The following LPXN variants were observed in gnomAD, a reference collection of about 807,000 sequenced individuals.
LPXN encodes the protein leupaxin.
LPXN carries 28 observed loss-of-function variants against 45.6 expected under a neutral mutation model. The observed-to-expected ratio is 0.61, with a 90% CI of 0.45 to 0.84. The LOEUF is 0.84. Among genes scored for constraint, LPXN ranks in the 40% least tolerant of loss-of-function variants. The pLI, the probability that LPXN is intolerant of heterozygous loss-of-function variation, is 0.00. For synonymous variants in LPXN, 166 were observed against 169.9 expected, an observed-to-expected ratio of 0.98 and a Z score of 0.18; for missense variants, 459 against 475.0, an observed-to-expected ratio of 0.97 and a Z score of 0.31.
intron 3 of LPXN, among the ~76,000 whole-genome samples, chr11:58,561,670 C>A (rs949726554): frequency 6.6e-6 from 1 of 152,212 alleles, no homozygotes; most frequent in Non-Finnish European, 1.5e-5. Flanking sequence ...AGAACAAATG[C>A]AGTTTCTTAG....
At chr11:58,556,644 G>A (rs979944506) in intron 3 of LPXN, among the ~76,000 whole-genome samples, 22 of 151,910 alleles carry the variant, frequency 1.4e-4, no homozygotes, top group Middle Eastern at 3.2e-3. Context: ...ACAACCATTG[G>A]AATGAATAAA....
At chr11:58,577,854 C>T (rs1398262228), upstream of LPXN, 2 of 704,374 alleles carry the variant, frequency 2.8e-6, no homozygotes, top group Admixed American at 3.7e-5. Context: ...CCTTGGTGTC[C>T]CAACAAGGTC....
At chr11:58,549,705 C>T in intron 7 of LPXN, 81 bp downstream of exon 7, 1 of 1,206,644 alleles carries the variant, frequency 8.3e-7, no homozygotes, top group Non-Finnish European at 1.2e-6. Context: ...ACCAGGACTC[C>T]CGTGACTACC....
intron 1 of LPXN, among the ~76,000 whole-genome samples, chr11:58,571,905 C>T (rs1218991166): frequency 6.6e-6 from 1 of 152,158 alleles, no homozygotes; most frequent in Non-Finnish European, 1.5e-5. Context: ...TCTGGGCTAT[C>T]TGATCCCTAG....
chr11:58,527,203 A>G lies in LPXN; in HGVS notation c.*251T>C, dbSNP rs1366493428. On this transcript the variant is annotated 3_prime_UTR_variant, in exon 9 of 9. Coordinates refer to ENST00000395074, the MANE Select transcript of LPXN (RefSeq NM_004811.3). ...AGAGGGACGAGATAGAAGGACCTAG[A>G]TCTAACTCCAAGTGCTTGATTGGAG... 2.2e-6 allele frequency: 1 copy of G among 459,776 alleles called. No homozygotes were observed. The highest frequency in any genetic ancestry group is 4.0e-6 in the Non-Finnish European group (1 of 252,710). 28.5% of individuals were successfully genotyped at this position (459,776 alleles called of 1,614,324 possible). A position where few individuals can be genotyped will look rare whatever the true frequency, so the allele number is the denominator to read the frequency against.
chr11:58,549,108 T>TA (rs1046297245), intron 7 of LPXN, among the ~76,000 whole-genome samples: 2 of 152,114 alleles, frequency 1.3e-5, no homozygotes, highest in African/African-American at 4.8e-5. Flanking sequence ...TTAAAACACA[T>TA]AAGCAGGCCA....
At chr11:58,554,051 C>G (rs1164450805) in intron 4 of LPXN, 1 of 152,774 alleles carries the variant, frequency 6.5e-6, no homozygotes, top group Admixed American at 6.5e-5. Context: ...GTGGCTCACG[C>G]CTGTAATCCC....
In LPXN at chr11:58,549,781, C is replaced by A; in HGVS notation, c.742+5G>T. 1.2e-6 allele frequency: 2 copies of A among 1,613,922 alleles called. No homozygotes were observed. The highest frequency in any genetic ancestry group is 2.2e-5 in the South Asian group (2 of 91,022). On this transcript the variant is annotated splice_donor_5th_base_variant and intron_variant, in intron 7 of 8. Coordinates refer to ENST00000395074, the MANE Select transcript of LPXN (RefSeq NM_004811.3). ...TGGGATACAGCCTCTCAAGTCGGGTCATACCTTCTGCACCAAACACCTCTC... is the reference window on the plus strand; with the variant it reads ...TGGGATACAGCCTCTCAAGTCGGGTAATACCTTCTGCACCAAACACCTCTC...
At chr11:58,543,497 T>C (rs1479669980) in intron 7 of LPXN, among the ~76,000 whole-genome samples, 1 of 152,204 alleles carries the variant, frequency 6.6e-6, no homozygotes, top group Non-Finnish European at 1.5e-5. Flanking sequence ...TGCATTGTAC[T>C]GGTTCCACTG....
At chr11:58,538,212 G>C (rs913033315) in intron 7 of LPXN, among the ~76,000 whole-genome samples, 4 of 152,082 alleles carry the variant, frequency 2.6e-5, no homozygotes, top group Non-Finnish European at 4.4e-5. Context: ...TTGCTATTGT[G>C]AATAGTGCCG....
intron 1 of LPXN, among the ~76,000 whole-genome samples, chr11:58,573,830 G>A (rs1391537129): frequency 6.6e-6 from 1 of 152,134 alleles, no homozygotes; most frequent in Non-Finnish European, 1.5e-5. Context: ...GGAGTAAAGT[G>A]AGGTCTCTTG....
upstream of LPXN, among the ~76,000 whole-genome samples, chr11:58,578,806 C>T (rs775808201): frequency 3.3e-5 from 5 of 151,940 alleles, no homozygotes; most frequent in Non-Finnish European, 7.4e-5. Flanking sequence ...GCGAGACCTG[C>T]CCCTCGCACT....
intron 4 of LPXN, chr11:58,553,843 A>T (rs1426350192): frequency 1.3e-5 from 2 of 152,146 alleles, no homozygotes; most frequent in Non-Finnish European, 2.9e-5. Flanking sequence ...ATGCCCGACT[A>T]TGTGAGCTCA....
chr11:58,564,418 A>G (rs1854469117), intron 2 of LPXN, among the ~76,000 whole-genome samples: 1 of 152,216 alleles, frequency 6.6e-6, no homozygotes, highest in Non-Finnish European at 1.5e-5. Context: ...ATGTGAACAA[A>G]CACTAGCAGC....
intron 3 of LPXN, among the ~76,000 whole-genome samples, chr11:58,563,631 A>T (rs889512410): frequency 1.3e-5 from 2 of 152,260 alleles, no homozygotes; most frequent in Non-Finnish European, 2.9e-5. Flanking sequence ...AGGAGAAATG[A>T]TTTAGTAAGT....
At chr11:58,575,739 C>G in intron 1 of LPXN, 21 bp downstream of exon 1, 1 of 1,614,156 alleles carries the variant, frequency 6.2e-7, no homozygotes, top group Non-Finnish European at 8.5e-7. Flanking sequence ...CTCAGAGTTT[C>G]TCCTCAGGCT....
At position 58,534,183 on chromosome 11, in the gene LPXN, A is replaced by T. The variant is rs541102496; in HGVS notation, c.743-5992T>A. On this transcript the variant is annotated intron_variant, in intron 7 of 8. Coordinates refer to ENST00000395074, the MANE Select transcript of LPXN (RefSeq NM_004811.3). ...TCTTGGCCAAGCAGACCTGATAGAC[A>T]TCTATACAACTCTCCACCCGAAATC... Among the ~76,000 whole-genome samples the T allele has an allele frequency of 1.2e-4, 18 of 152,358 alleles. No homozygotes were observed. The South Asian group carries it at 3.5e-3, about 30-fold the overall frequency.
upstream of LPXN, chr11:58,577,857 A>G (rs2134376141): frequency 1.3e-6 from 1 of 741,236 alleles, no homozygotes; most frequent in East Asian, 3.6e-5. Flanking sequence ...TGGTGTCCCA[A>G]CAAGGTCTAG....
chr11:58,575,892 T>G, upstream of LPXN: 1 of 1,583,314 alleles, frequency 6.3e-7, no homozygotes, highest in Admixed American at 1.8e-5. Context: ...TATAAACCTT[T>G]TTGGTTCCTG....
Sources: allele counts gnomAD v4.1 joint callset (sites outside exome capture counted in the v4.1 genomes callset), GRCh38; gene constraint gnomAD v4.1.1; transcripts MANE v1.5; gene names NCBI Gene and HGNC (gene_info 2026-07-23, HGNC 2026-07-21).